SAMTOR: variants seen among roughly 807,000 people sequenced by gnomAD.
The protein encoded by SAMTOR is UPF0532 protein C7orf60.
chr7:112,929,331 T>C, the SAMTOR span, among the ~76,000 whole-genome samples: 2 of 151,978 alleles, frequency 1.3e-5, no homozygotes, highest in South Asian at 2.1e-4. Flanking sequence ...AATGGGTATA[T>C]AGAAGGGTGC....
At chr7:112,872,267 A>C in the SAMTOR span, among the ~76,000 whole-genome samples, 3 of 152,244 alleles carry the variant, frequency 2.0e-5, no homozygotes, top group Non-Finnish European at 2.9e-5. Flanking sequence ...AGCACATCAG[A>C]AAGTTAATTC....
the SAMTOR span, among the ~76,000 whole-genome samples, chr7:112,859,505 G>C: frequency 6.6e-6 from 1 of 152,102 alleles, no homozygotes; most frequent in Admixed American, 6.5e-5. Context: ...TGTTATATTA[G>C]TGTATTCCTT....
chr7:112,915,174 G>T, the SAMTOR span: 3 of 734,788 alleles, frequency 4.1e-6, no homozygotes, highest in Non-Finnish European at 6.2e-6. Flanking sequence ...GGAGGTGGAG[G>T]TTGCAGTGAG....
the SAMTOR span, among the ~76,000 whole-genome samples, chr7:112,853,405 G>A: frequency 2.6e-5 from 4 of 151,862 alleles, no homozygotes; most frequent in Admixed American, 6.6e-5. Context: ...GTTCAAGATC[G>A]TATTTCTTTA....
the SAMTOR span, among the ~76,000 whole-genome samples, chr7:112,831,482 C>A: frequency 6.6e-6 from 1 of 152,022 alleles, no homozygotes; most frequent in East Asian, 1.9e-4. Context: ...CATGGTGAAA[C>A]CCTGTCTCTA....
the SAMTOR span, among the ~76,000 whole-genome samples, chr7:112,913,120 ACAGT>A: frequency 6.6e-6 from 1 of 152,168 alleles, no homozygotes; most frequent in African/African-American, 2.4e-5. Flanking sequence ...ATTCTGTAAA[ACAGT>A]CAGATTTATA....
chr7:112,850,560 C>T, the SAMTOR span, among the ~76,000 whole-genome samples: 1 of 152,120 alleles, frequency 6.6e-6, no homozygotes, highest in Non-Finnish European at 1.5e-5. Flanking sequence ...AGAGTTTTTA[C>T]TACTGATTCA....
the SAMTOR span, among the ~76,000 whole-genome samples, chr7:112,840,971 A>G: frequency 6.6e-6 from 1 of 152,118 alleles, no homozygotes; most frequent in Non-Finnish European, 1.5e-5. Context: ...CCCACAGCCA[A>G]TATCATACTG....
At chr7:112,884,910 C>T in the SAMTOR span, among the ~76,000 whole-genome samples, 1 of 152,202 alleles carries the variant, frequency 6.6e-6, no homozygotes, top group African/African-American at 2.4e-5. Context: ...AGGGTTCCAC[C>T]CCTGCAGAAA....
chr7:112,851,205 A>C, the SAMTOR span, among the ~76,000 whole-genome samples: 1 of 152,178 alleles, frequency 6.6e-6, no homozygotes, highest in South Asian at 2.1e-4. Context: ...CAAGTCTAAA[A>C]TTCATATGGA....
chr7:112,846,222 A>G, the SAMTOR span, among the ~76,000 whole-genome samples: 1 of 144,016 alleles, frequency 6.9e-6, no homozygotes, highest in African/African-American at 2.7e-5. Context: ...TTTCTCTCCA[A>G]TTTACAAGTT....
the SAMTOR span, among the ~76,000 whole-genome samples, chr7:112,892,305 C>T: frequency 6.6e-6 from 1 of 152,244 alleles, no homozygotes; most frequent in Middle Eastern, 3.4e-3. Context: ...GGAATAAACT[C>T]CTCCAAACTC....
chr7:112,853,856 G>C, the SAMTOR span, among the ~76,000 whole-genome samples: 2 of 152,076 alleles, frequency 1.3e-5, no homozygotes, highest in Non-Finnish European at 2.9e-5. Context: ...CAATGATCTA[G>C]GCCTTATTTA....
At chr7:112,872,207 G>A in the SAMTOR span, among the ~76,000 whole-genome samples, 1 of 152,106 alleles carries the variant, frequency 6.6e-6, no homozygotes, top group Non-Finnish European at 1.5e-5. Context: ...TATACTTGAT[G>A]AACATGGATG....
At chr7:112,823,956 A>AT in the SAMTOR span, among the ~76,000 whole-genome samples, 2 of 152,196 alleles carry the variant, frequency 1.3e-5, no homozygotes, top group Non-Finnish European at 2.9e-5. Flanking sequence ...TGCCATCCAG[A>AT]TATCTTCTAT....
chr7:112,824,279 C>T, the SAMTOR span, among the ~76,000 whole-genome samples: 1 of 152,016 alleles, frequency 6.6e-6, no homozygotes, highest in Non-Finnish European at 1.5e-5. Flanking sequence ...GACTTTTTTT[C>T]AAAATGTTTT....
At chr7:112,894,179 G>C in the SAMTOR span, among the ~76,000 whole-genome samples, 1 of 151,740 alleles carries the variant, frequency 6.6e-6, no homozygotes, top group Non-Finnish European at 1.5e-5. Flanking sequence ...GAGAGAAGAG[G>C]GGGAGGGGGA....
the SAMTOR span, among the ~76,000 whole-genome samples, chr7:112,842,376 T>TA: frequency 6.6e-6 from 1 of 151,920 alleles, no homozygotes; most frequent in African/African-American, 2.4e-5. Flanking sequence ...TTCAATTCTA[T>TA]AAGAGGAGTG....
chr7:112,929,927 T>C, the SAMTOR span, among the ~76,000 whole-genome samples: 1 of 152,250 alleles, frequency 6.6e-6, no homozygotes, highest in East Asian at 1.9e-4. Context: ...AAGCATGGTA[T>C]ATGTTACAAA....
Sources: allele counts gnomAD v4.1 joint callset (sites outside exome capture counted in the v4.1 genomes callset), GRCh38; gene constraint gnomAD v4.1.1; transcripts MANE v1.5; gene names NCBI Gene and HGNC (gene_info 2026-07-23, HGNC 2026-07-21).